Variants in PALLD observed in about 807,000 individuals in gnomAD.
PALLD encodes the protein palladin, cytoskeletal associated protein, also known as palladin.
PALLD carries 61 observed loss-of-function variants against 123.5 expected under a neutral mutation model. The observed-to-expected ratio is 0.49, with a 90% CI of 0.40 to 0.61. The LOEUF is 0.61. Ranked by LOEUF, PALLD falls within the 20% of genes least tolerant of loss-of-function variation. The pLI is 0.00. For missense variants in PALLD, 1,273 were observed against 1,377.0 expected (o/e 0.92, Z 1.20); for synonymous variants, 465 against 496.4 (o/e 0.94, Z 0.84).
chr4:168,515,600 G>A (rs1268124782), intron 2 of PALLD, among the ~76,000 whole-genome samples: 3 of 152,204 alleles, frequency 2.0e-5, no homozygotes, highest in East Asian at 1.9e-4. Flanking sequence ...AAGAAGCTTG[G>A]CGGTTGGCCA....
chr4:168,644,091 C>CTT (rs10719083), intron 2 of PALLD, among the ~76,000 whole-genome samples: 108 of 138,968 alleles, frequency 7.8e-4, no homozygotes, highest in African/African-American at 2.6e-3. Context: ...ATGTTGATAT[C>CTT]TTTTTTTTTT....
chr4:168,571,851 G>A (rs1044969637), intron 2 of PALLD, among the ~76,000 whole-genome samples: 3 of 152,088 alleles, frequency 2.0e-5, no homozygotes, highest in Non-Finnish European at 4.4e-5. Context: ...CTATTGCCTC[G>A]AGACTACTGT....
intron 2 of PALLD, among the ~76,000 whole-genome samples, chr4:168,529,161 T>C (rs1040690837): frequency 1.3e-5 from 2 of 151,954 alleles, no homozygotes; most frequent in Admixed American, 6.6e-5. Context: ...CTAGTGAAAC[T>C]TCATCTCTAC....
intron 2 of PALLD, among the ~76,000 whole-genome samples, chr4:168,517,370 T>A (rs1763085463): frequency 6.6e-6 from 1 of 152,200 alleles, no homozygotes; most frequent in Admixed American, 6.5e-5. Flanking sequence ...TCATATCTAA[T>A]CATAAGATAC....
chr4:168,556,337 C>T (rs1263704993), intron 2 of PALLD, among the ~76,000 whole-genome samples: 2 of 152,044 alleles, frequency 1.3e-5, no homozygotes, highest in African/African-American at 2.4e-5. Flanking sequence ...CCTCGTGATC[C>T]GCCCGCCTCT....
chr4:168,540,548 G>GA (rs530626695), intron 2 of PALLD, among the ~76,000 whole-genome samples: 110 of 151,802 alleles, frequency 7.2e-4, no homozygotes, highest in Non-Finnish European at 1.3e-3. Flanking sequence ...CAAGAGCCTG[G>GA]AAAAAAAATT....
intron 2 of PALLD, among the ~76,000 whole-genome samples, chr4:168,616,992 GT>G (rs1774285710): frequency 6.6e-6 from 1 of 152,186 alleles, no homozygotes; most frequent in Non-Finnish European, 1.5e-5. Context: ...GCAAGCATAA[GT>G]GCTGTGAGCA....
At chr4:168,741,265 G>T (rs1464671140) in intron 10 of PALLD, among the ~76,000 whole-genome samples, 1 of 152,118 alleles carries the variant, frequency 6.6e-6, no homozygotes, top group Non-Finnish European at 1.5e-5. Flanking sequence ...TGTCTTCATC[G>T]CTATAATATG....
chr4:168,537,341 G>A lies in PALLD; in HGVS notation c.908+24929G>A, dbSNP rs368065274. On this transcript the variant is annotated intron_variant, in intron 2 of 21. Transcript: ENST00000505667. ...CTCAATAACTAATAACATACTTTTG[G>A]TTACACAAACATACTGCTAAAAAAT... Among the ~76,000 whole-genome samples, 214 of 152,202 alleles carry A rather than the reference G, an allele frequency of 1.4e-3. 3 individuals are homozygous for A. The highest frequency in any genetic ancestry group is 4.4e-3 in the Admixed American group (67 of 15,270).
chr4:168,530,134 A>G (rs1177436247), intron 2 of PALLD, among the ~76,000 whole-genome samples: 1 of 152,222 alleles, frequency 6.6e-6, no homozygotes, highest in Non-Finnish European at 1.5e-5. Flanking sequence ...ATAGAAATGG[A>G]GTAACAATAG....
chr4:168,842,474 G>A (rs1485099830), intron 10 of PALLD, among the ~76,000 whole-genome samples: 1 of 152,184 alleles, frequency 6.6e-6, no homozygotes, highest in Non-Finnish European at 1.5e-5. Context: ...GTAGAAATGT[G>A]TCTGGGACTT....
intron 10 of PALLD, among the ~76,000 whole-genome samples, chr4:168,738,619 C>T (rs11942330): frequency 0.41 from 52,558 of 129,546 alleles, 10,944 homozygotes; most frequent in East Asian, 0.53. Flanking sequence ...TTAGTAGAGA[C>T]GGGGTTTCAC....
At chr4:168,670,141 G>C (rs1265799583) in intron 3 of PALLD, among the ~76,000 whole-genome samples, 1 of 152,180 alleles carries the variant, frequency 6.6e-6, no homozygotes, top group Non-Finnish European at 1.5e-5. Flanking sequence ...TAAAAATCCT[G>C]TCTGCTAATG....
intron 10 of PALLD, among the ~76,000 whole-genome samples, chr4:168,857,032 C>T (rs1748704899): frequency 6.6e-6 from 1 of 152,206 alleles, no homozygotes. Flanking sequence ...TAGAAAAGTT[C>T]AGAAATGAAG....
At chr4:168,718,733 A>G (rs1377018705) in intron 10 of PALLD, among the ~76,000 whole-genome samples, 1 of 151,982 alleles carries the variant, frequency 6.6e-6, no homozygotes, top group African/African-American at 2.4e-5. Context: ...TTTTTCTTTT[A>G]TTTTTAGACA....
At chr4:168,805,582 G>A (rs1740070999) in intron 10 of PALLD, among the ~76,000 whole-genome samples, 1 of 152,086 alleles carries the variant, frequency 6.6e-6, no homozygotes, top group Admixed American at 6.6e-5. Context: ...TCATGCCTCT[G>A]TGCGTGTGTT....
At chr4:168,719,251 TC>T (rs1228615450) in intron 10 of PALLD, among the ~76,000 whole-genome samples, 10 of 123,246 alleles carry the variant, frequency 8.1e-5, no homozygotes, top group South Asian at 3.0e-4. Flanking sequence ...AAAGTAATCT[TC>T]TTTTTTTTTT....
At chr4:168,593,019 TAA>T in intron 2 of PALLD, among the ~76,000 whole-genome samples, 1 of 148,264 alleles carries the variant, frequency 6.7e-6, no homozygotes, top group East Asian at 1.9e-4. Flanking sequence ...CCTCTTCCTT[TAA>T]AAAAAAAAAA....
chr4:168,828,712 G>T (rs1411561751), intron 10 of PALLD, among the ~76,000 whole-genome samples: 2 of 152,202 alleles, frequency 1.3e-5, no homozygotes, highest in African/African-American at 2.4e-5. Flanking sequence ...AATACTTGGC[G>T]AATTGAGCCC....
Sources: gnomAD v4.1 joint callset for allele counts (sites outside exome capture counted in the v4.1 genomes callset) on GRCh38, gnomAD v4.1.1 for gene constraint, MANE v1.5 for transcripts, NCBI Gene and HGNC (gene_info 2026-07-23, HGNC 2026-07-21) for gene names.